Variants in ABCC4 observed in about 807,000 individuals in gnomAD.
The protein encoded by ABCC4 is ATP binding cassette subfamily C member 4 (PEL blood group).
In ABCC4, 102 loss-of-function variants were observed where a neutral mutation model predicts 168.5. The observed-to-expected ratio is 0.61, with a 90% CI of 0.52 to 0.71. The LOEUF (loss-of-function observed/expected upper bound fraction) is 0.71. Ranked by LOEUF, ABCC4 falls within the 30% of genes least tolerant of loss-of-function variation. The pLI, the probability that ABCC4 is intolerant of heterozygous loss-of-function variation, is 0.00. For missense variants in ABCC4, 1,402 were observed against 1,605.8 expected (o/e 0.87, Z 2.17); for synonymous variants, 617 against 590.7 (o/e 1.04, Z -0.65).
chr13:95,221,955 C>A (rs79083026), intron 4 of ABCC4, among the ~76,000 whole-genome samples: 1 of 152,120 alleles, frequency 6.6e-6, no homozygotes. Flanking sequence ...CAGAAACTTC[C>A]CTGAGGCACA....
At chr13:95,200,701 C>T (rs2139659523) in intron 8 of ABCC4, among the ~76,000 whole-genome samples, 1 of 152,244 alleles carries the variant, frequency 6.6e-6, no homozygotes, top group East Asian at 1.9e-4. Flanking sequence ...AGCTTGGTGA[C>T]AGAGCGAGAC....
chr13:95,172,572 GAAAA>G (rs56278771), intron 13 of ABCC4, among the ~76,000 whole-genome samples: 2 of 124,680 alleles, frequency 1.6e-5, no homozygotes, highest in Admixed American at 1.6e-4. Flanking sequence ...CCTCAAAAAG[GAAAA>G]AAAAAAAAAA....
intron 4 of ABCC4, among the ~76,000 whole-genome samples, chr13:95,234,339 G>A (rs989276879): frequency 6.6e-6 from 1 of 152,226 alleles, no homozygotes; most frequent in Admixed American, 6.5e-5. Flanking sequence ...TGCCCTGACA[G>A]CAGTAGAAAA....
chr13:95,273,370 CA>C (rs779992386), intron 1 of ABCC4, among the ~76,000 whole-genome samples: 14 of 152,296 alleles, frequency 9.2e-5, no homozygotes, highest in South Asian at 2.1e-4. Context: ...CGTGGGGTCC[CA>C]AATAACACCC....
intron 21 of ABCC4, 141 bp downstream of exon 21, chr13:95,082,999 T>C (rs2034145277): frequency 1.1e-6 from 1 of 927,478 alleles, no homozygotes; most frequent in South Asian, 1.7e-5. Context: ...CAATGATTCA[T>C]AATGGCCAAT....
chr13:95,069,507 A>G (rs1166635223), intron 25 of ABCC4, among the ~76,000 whole-genome samples: 1 of 152,190 alleles, frequency 6.6e-6, no homozygotes, highest in Non-Finnish European at 1.5e-5. Flanking sequence ...GTTCAGTTCA[A>G]TTATATTAAA....
At chr13:95,086,029 G>A (rs1335948274) in intron 20 of ABCC4, among the ~76,000 whole-genome samples, 6 of 148,802 alleles carry the variant, frequency 4.0e-5, no homozygotes, top group African/African-American at 7.4e-5. Flanking sequence ...ATTTAATACC[G>A]AAATATATCT....
chr13:95,134,383 T>C lies in ABCC4; in HGVS notation c.2456-18382A>G, dbSNP rs187744653. Among the ~76,000 whole-genome samples the C allele has an allele frequency of 1.4e-4, 22 of 152,056 alleles. 1 individual carries two copies. Among genetic ancestry groups the C allele is most frequent in the African/African-American group, 5.3e-4 (22 of 41,460 alleles). On this transcript the variant is annotated intron_variant, in intron 19 of 30. Coordinates refer to ENST00000645237, the MANE Select transcript of ABCC4 (RefSeq NM_005845.5). Reference sequence around the variant, plus strand: ...AAGTGGAGAAGGGCGAGTCTTGAGTTTAAAGAAGGAAAATGCTGCAGACTA... The same window carrying C: ...AAGTGGAGAAGGGCGAGTCTTGAGTCTAAAGAAGGAAAATGCTGCAGACTA...
chr13:95,052,043 C>T (rs540327460), intron 27 of ABCC4, among the ~76,000 whole-genome samples: 1 of 152,066 alleles, frequency 6.6e-6, no homozygotes, highest in African/African-American at 2.4e-5. Flanking sequence ...TGCAGTGGCA[C>T]GATCTCGGCT....
chr13:95,258,507 C>T (rs1472547611), intron 1 of ABCC4, among the ~76,000 whole-genome samples: 1 of 152,204 alleles, frequency 6.6e-6, no homozygotes, highest in Non-Finnish European at 1.5e-5. Context: ...TTTATATCCT[C>T]ATTCTCACTT....
chr13:95,204,157 CAG>C (rs1056616999), intron 8 of ABCC4, among the ~76,000 whole-genome samples: 4 of 152,252 alleles, frequency 2.6e-5, no homozygotes, highest in African/African-American at 9.6e-5. Flanking sequence ...AAAGTGGGAA[CAG>C]AGACGAGTCA....
At chr13:95,238,114 G>A (rs1348261006) in intron 3 of ABCC4, among the ~76,000 whole-genome samples, 1 of 144,398 alleles carries the variant, frequency 6.9e-6, no homozygotes, top group Non-Finnish European at 1.5e-5. Flanking sequence ...AGAATCACTT[G>A]AACCCAGGAG....
intron 1 of ABCC4, among the ~76,000 whole-genome samples, chr13:95,286,539 A>C (rs955197477): frequency 5.3e-5 from 8 of 150,260 alleles, no homozygotes; most frequent in African/African-American, 2.0e-4. Flanking sequence ...TGTTTTTTTA[A>C]TAGATCTTCA....
chr13:95,046,426 T>C (rs2032582190), intron 27 of ABCC4, among the ~76,000 whole-genome samples: 1 of 152,186 alleles, frequency 6.6e-6, no homozygotes, highest in Admixed American at 6.5e-5. Flanking sequence ...CAGTGTCTTC[T>C]GAGACTCTGT....
At chr13:95,184,495 C>A (rs1472774492) in intron 11 of ABCC4, among the ~76,000 whole-genome samples, 1 of 152,188 alleles carries the variant, frequency 6.6e-6, no homozygotes, top group Admixed American at 6.5e-5. Context: ...ACTTGAACTG[C>A]AAATGTTCAA....
intron 19 of ABCC4, among the ~76,000 whole-genome samples, chr13:95,151,554 G>GAGGAGGAGA (rs1169003064): frequency 6.7e-6 from 1 of 149,630 alleles, no homozygotes; most frequent in Non-Finnish European, 1.5e-5. Flanking sequence ...GAAGGAGGAG[G>GAGGAGGAGA]AGGAGGAGAA....
chr13:95,260,086 C>T (rs1003234215), intron 1 of ABCC4, among the ~76,000 whole-genome samples: 2 of 152,262 alleles, frequency 1.3e-5, no homozygotes, highest in African/African-American at 4.8e-5. Flanking sequence ...GAGAGTGGGG[C>T]CCTGCAATCT....
chr13:95,291,072 G>A (rs1422113777), intron 1 of ABCC4, among the ~76,000 whole-genome samples: 1 of 151,274 alleles, frequency 6.6e-6, no homozygotes, highest in Non-Finnish European at 1.5e-5. Flanking sequence ...TGACTGCCCA[G>A]GCTGGGCATG....
At chr13:95,280,327 G>A (rs2041085064) in intron 1 of ABCC4, among the ~76,000 whole-genome samples, 1 of 150,482 alleles carries the variant, frequency 6.6e-6, no homozygotes, top group East Asian at 2.0e-4. Context: ...TGAGGTAGGA[G>A]GATCACTTGA....
Sources: allele counts gnomAD v4.1 joint callset (sites outside exome capture counted in the v4.1 genomes callset), GRCh38; gene constraint gnomAD v4.1.1; transcripts MANE v1.5; gene names NCBI Gene and HGNC (gene_info 2026-07-23, HGNC 2026-07-21).